FUT8: variants seen among roughly 807,000 people sequenced by gnomAD.
FUT8 encodes fucosyltransferase 8, also known as alpha-(1,6)-fucosyltransferase.
Under a neutral mutation model 71.3 loss-of-function variants are expected in FUT8, and 29 were observed. The ratio of observed to expected loss-of-function variants is 0.41; its 90% CI spans 0.30 to 0.55. The LOEUF (loss-of-function observed/expected upper bound fraction) is 0.55. Among genes scored for constraint, FUT8 ranks in the 20% least tolerant of loss-of-function variants. The pLI is 0.34. For missense variants in FUT8, 544 were observed against 702.1 expected, an observed-to-expected ratio of 0.77 and a Z score of 2.55; for synonymous variants, 254 against 239.3, an observed-to-expected ratio of 1.06 and a Z score of -0.57.
At chr14:65,507,011 C>T (rs753219111) in intron 2 of FUT8, among the ~76,000 whole-genome samples, 37 of 152,172 alleles carry the variant, frequency 2.4e-4, no homozygotes, top group Non-Finnish European at 4.3e-4. Context: ...TGACCATGAC[C>T]TCGATCAGCA....
At chr14:65,585,846 G>A (rs1887352447) in intron 3 of FUT8, among the ~76,000 whole-genome samples, 1 of 152,152 alleles carries the variant, frequency 6.6e-6, no homozygotes, top group South Asian at 2.1e-4. Context: ...GCTGCATGGT[G>A]CCTTGTAACA....
the FUT8 span, among the ~76,000 whole-genome samples, chr14:65,394,805 G>A: frequency 2.7e-5 from 4 of 149,530 alleles, no homozygotes; most frequent in Admixed American, 2.0e-4. Context: ...GAGTGCAGCG[G>A]CATGATCTTA....
At chr14:65,559,030 A>G (rs1193442545) in intron 2 of FUT8, among the ~76,000 whole-genome samples, 1 of 152,168 alleles carries the variant, frequency 6.6e-6, no homozygotes, top group Non-Finnish European at 1.5e-5. Flanking sequence ...TTTTTGTTGT[A>G]CAAATTTTGT....
the FUT8 span, among the ~76,000 whole-genome samples, chr14:65,358,277 T>C: frequency 6.6e-6 from 1 of 152,194 alleles, no homozygotes; most frequent in African/African-American, 2.4e-5. Context: ...TACACATGCA[T>C]TGAAACATCA....
chr14:65,382,211 G>A, the FUT8 span, among the ~76,000 whole-genome samples: 3 of 152,152 alleles, frequency 2.0e-5, no homozygotes, highest in African/African-American at 7.2e-5. Context: ...GTTCTCAAAT[G>A]TCCACCCTTA....
chr14:65,385,950 G>C, the FUT8 span, among the ~76,000 whole-genome samples: 1 of 152,014 alleles, frequency 6.6e-6, no homozygotes, highest in Non-Finnish European at 1.5e-5. Context: ...TCAGGAGTTT[G>C]AGACCAGCCT....
chr14:65,548,257 T>C (rs1388341432), intron 2 of FUT8, among the ~76,000 whole-genome samples: 1 of 152,054 alleles, frequency 6.6e-6, no homozygotes, highest in Non-Finnish European at 1.5e-5. Context: ...CTTTCAACTC[T>C]TGGGAACCAC....
intron 3 of FUT8, among the ~76,000 whole-genome samples, chr14:65,572,340 G>T (rs1275020942): frequency 1.3e-5 from 2 of 152,282 alleles, no homozygotes; most frequent in East Asian, 3.9e-4. Flanking sequence ...CTTTGTGTAT[G>T]TATGAACTCA....
At position 65,574,209 on chromosome 14, in the gene FUT8, C is replaced by A. The variant is rs1428073645; in HGVS notation, c.203+12443C>A. On this transcript the variant is annotated intron_variant, in intron 3 of 10. Coordinates refer to ENST00000673929, the MANE Select transcript of FUT8 (RefSeq NM_001371533.1). The surrounding 1 kb of genome is among the most constrained non-coding windows in gnomAD (Gnocchi z 5.2). ...CTCCAGAGGGCAGCTCACACCATAG[C>A]TTGCTTCATCAAAACCAGCAAGGAA... 6.6e-6 allele frequency among the ~76,000 whole-genome samples: 1 copy of A among 152,180 alleles called. No individual in the cohort carries two copies. The highest frequency in any genetic ancestry group is 2.4e-5 in the African/African-American group (1 of 41,424).
chr14:65,654,945 G>A (rs1891596942), intron 6 of FUT8, among the ~76,000 whole-genome samples: 1 of 151,796 alleles, frequency 6.6e-6, no homozygotes, highest in Non-Finnish European at 1.5e-5. Context: ...CAGAGACAGG[G>A]TTTCTCCATG....
intron 2 of FUT8, among the ~76,000 whole-genome samples, chr14:65,521,654 A>G (rs1883087126): frequency 6.6e-6 from 1 of 152,252 alleles, no homozygotes; most frequent in Admixed American, 6.5e-5. Context: ...TTAGAAACAT[A>G]AGAAATTTAA....
intron 7 of FUT8, among the ~76,000 whole-genome samples, chr14:65,681,439 C>G (rs1359280842): frequency 1.3e-5 from 2 of 152,148 alleles, no homozygotes; most frequent in Admixed American, 6.5e-5. Context: ...AATTAATCCT[C>G]TTGGTTTCTT....
intron 1 of FUT8, among the ~76,000 whole-genome samples, chr14:65,454,088 A>T (rs1426433851): frequency 6.6e-6 from 1 of 152,216 alleles, no homozygotes; most frequent in African/African-American, 2.4e-5. Context: ...CTGGTTTTGC[A>T]GTTGCTTACC....
the FUT8 span, among the ~76,000 whole-genome samples, chr14:65,402,897 C>T: frequency 1.3e-5 from 2 of 152,214 alleles, no homozygotes; most frequent in African/African-American, 4.8e-5. Flanking sequence ...TTGTAAATCA[C>T]ACCAGCACAA....
chr14:65,434,170 G>A (rs184233523), intron 1 of FUT8, among the ~76,000 whole-genome samples: 1 of 152,314 alleles, frequency 6.6e-6, no homozygotes, highest in East Asian at 1.9e-4. Flanking sequence ...GCCTTATACA[G>A]AAAGGTGATT....
chr14:65,553,626 G>T (rs1214255610), intron 2 of FUT8, among the ~76,000 whole-genome samples: 1 of 150,842 alleles, frequency 6.6e-6, no homozygotes, highest in Non-Finnish European at 1.5e-5. Flanking sequence ...TTTTTTTCTG[G>T]AAGAGTTTTG....
the FUT8 span, among the ~76,000 whole-genome samples, chr14:65,357,023 T>C: frequency 6.6e-6 from 1 of 152,186 alleles, no homozygotes; most frequent in African/African-American, 2.4e-5. Flanking sequence ...CTTCTGGGTC[T>C]CATCTGGATT....
At chr14:65,668,295 G>A (rs1331910645) in intron 6 of FUT8, among the ~76,000 whole-genome samples, 13 of 152,110 alleles carry the variant, frequency 8.5e-5, no homozygotes, top group South Asian at 8.3e-4. Flanking sequence ...AACAGAATGG[G>A]AGAAAATATT....
chr14:65,681,647 T>C (rs1893040950), intron 7 of FUT8, among the ~76,000 whole-genome samples: 1 of 152,228 alleles, frequency 6.6e-6, no homozygotes, highest in South Asian at 2.1e-4. Context: ...TATGTGTGTA[T>C]GTGAGTGTCT....
Sources: allele counts gnomAD v4.1 joint callset (sites outside exome capture counted in the v4.1 genomes callset), GRCh38; gene constraint gnomAD v4.1.1; non-coding constraint Gnocchi (gnomAD v3.1); transcripts MANE v1.5; gene names NCBI Gene and HGNC (gene_info 2026-07-23, HGNC 2026-07-21).